Variants in GSS observed in about 807,000 individuals in gnomAD.
GSS encodes the protein GSH synthetase.
In GSS, 34 loss-of-function variants were observed where a neutral mutation model predicts 60.4. The ratio of observed to expected loss-of-function variants is 0.56; its 90% CI spans 0.43 to 0.75. The LOEUF is 0.75. GSS is among the 30% of genes least tolerant of loss of function. GSS has a pLI of 0.00. For synonymous variants in GSS, 224 were observed against 239.0 expected (o/e 0.94, Z 0.58); for missense variants, 499 against 595.1 (o/e 0.84, Z 1.68).
In GSS at chr20:34,951,831, G is replaced by A. The variant is rs1255925879; in HGVS notation, c.22C>T (p.Leu8Phe). Residue 8 changes from leucine (L) to phenylalanine (F), a missense_variant, in exon 2 of 13, where the codon CTC becomes TTC. Transcript: ENST00000651619. MATNWGS[L>F]LQDKQQLEEL... ...TCTAGCTGCTGTTTATCCTGCAAGA[G>A]GCTCCCCCAGTTGGTGGCCATCCCA... is the stretch of plus-strand genomic sequence containing the variant. The A allele has an allele frequency of 9.9e-6, 16 of 1,614,188 alleles. No homozygotes were observed. The highest frequency in any genetic ancestry group is 6.7e-5 in the Admixed American group (4 of 60,030).
At chr20:34,950,461 G>GA (rs2081560128) in intron 2 of GSS, among the ~76,000 whole-genome samples, 1 of 151,752 alleles carries the variant, frequency 6.6e-6, no homozygotes, top group Non-Finnish European at 1.5e-5. Context: ...TTAAGTTAAA[G>GA]AAAAAAAAGT....
chr20:34,950,571 G>A (rs2081560972), intron 2 of GSS, among the ~76,000 whole-genome samples: 1 of 150,892 alleles, frequency 6.6e-6, no homozygotes, highest in East Asian at 1.9e-4. Flanking sequence ...TTTGAGACCA[G>A]CCTGGACAAC....
At chr20:34,931,780 C>G (rs2081403149) in intron 10 of GSS, among the ~76,000 whole-genome samples, 159 bp downstream of exon 10, 1 of 152,198 alleles carries the variant, frequency 6.6e-6, no homozygotes, top group South Asian at 2.1e-4. Flanking sequence ...TGAGGCTGCC[C>G]TTCTGCTCAG....
Position 34,951,745 on chromosome 20 carries a change from T to C in GSS, c.108A>G (p.Ser36=), listed in dbSNP as rs2081570033. The C allele has an allele frequency of 2.5e-6, 4 of 1,611,102 alleles. No homozygotes were observed. Among genetic ancestry groups the C allele is most frequent in the Non-Finnish European group, 3.4e-6 (4 of 1,178,436 alleles). ...ALAEGVLLRT[S]QEPTSSEVVS... ...TTACCTCCGAGGAAGTGGGCTCCTG[T>C]GAGGTCCTCAGCAATACTCCCTCAG... is the stretch of plus-strand genomic sequence containing the variant. Residue 36 remains serine, a synonymous_variant, in exon 2 of 13, where the codon TCA becomes TCG. Coordinates refer to ENST00000651619, the MANE Select transcript of GSS (RefSeq NM_000178.4).
chr20:34,952,772 G>A (rs1264978389), intron 1 of GSS: 1 of 152,196 alleles, frequency 6.6e-6, no homozygotes, highest in Non-Finnish European at 1.5e-5. Flanking sequence ...TGGGATAGGA[G>A]TCACTGCAGT....
In GSS at chr20:34,942,936, C is replaced by A. The variant is rs761034720; in HGVS notation, c.346G>T (p.Ala116Ser). ...IHKQVLKEGI[A>S]QTVFLGLNRS... ...GTAGGGCTGGGAATGGTTACCTGGG[C>A]AATGCCCTCTTTTAGGACTTGCTTG... The change falls in exon 4 of 13, where the codon GCC becomes TCC. Residue 116 changes from alanine (A) to serine (S), a missense_variant. Ala to Ser is a moderately conservative substitution (Grantham distance 99). Coordinates refer to ENST00000651619, the MANE Select transcript of GSS (RefSeq NM_000178.4). The A allele has an allele frequency of 6.3e-7, 1 of 1,597,996 alleles. No individual in the cohort carries two copies. Among genetic ancestry groups the A allele is most frequent in the Admixed American group, 1.7e-5 (1 of 59,618 alleles).
chr20:34,928,922 T>G lies in GSS; in HGVS notation c.1331A>C (p.His444Pro). The change falls in exon 13 of 13, where the codon CAC becomes CCC. Residue 444 changes from histidine (H) to proline (P), a missense_variant. Physicochemically the swap from His to Pro is moderately conservative, Grantham distance 77 (BLOSUM62 -2). Coordinates refer to ENST00000651619, the MANE Select transcript of GSS (RefSeq NM_000178.4). The part of the protein sequence containing the change: ...RQEKTLVMNK[H>P]VGHLLRTKAI... ...TTTGGTTCGAAGTAGATGCCCCACGTGCTTGTTCATCACGAGTGTCTTTTC... is the reference window on the plus strand; with the variant it reads ...TTTGGTTCGAAGTAGATGCCCCACGGGCTTGTTCATCACGAGTGTCTTTTC... The G allele has an allele frequency of 3.1e-6, 5 of 1,613,698 alleles. No homozygotes were observed. The highest frequency in any genetic ancestry group is 4.2e-6 in the Non-Finnish European group (5 of 1,180,012).
intron 6 of GSS, among the ~76,000 whole-genome samples, chr20:34,939,126 G>A (rs1220659308): frequency 6.6e-6 from 1 of 152,168 alleles, no homozygotes; most frequent in African/African-American, 2.4e-5. Context: ...TGTAATCCCA[G>A]TTACTTGGGA....
intron 11 of GSS, 95 bp from the exon 12 acceptor site, chr20:34,929,685 C>T (rs2081384753): frequency 9.6e-7 from 1 of 1,043,934 alleles, no homozygotes; most frequent in African/African-American, 1.6e-5. Flanking sequence ...TCAGCAGCCT[C>T]AGTTCCTGGC....
chr20:34,930,048 A>C (rs995127562), intron 11 of GSS, among the ~76,000 whole-genome samples: 4 of 152,112 alleles, frequency 2.6e-5, no homozygotes, highest in Admixed American at 6.5e-5. Flanking sequence ...CAGGCAGATC[A>C]TGAGGTCAAG....
At chr20:34,931,885 T>C (rs2081403966) in intron 10 of GSS, 54 bp downstream of exon 10, 1 of 1,503,016 alleles carries the variant, frequency 6.7e-7, no homozygotes, top group South Asian at 1.1e-5. Context: ...CATTGGGCTG[T>C]AGGTCTCTGC....
chr20:34,935,722 CA>C (rs1206801216), intron 8 of GSS, 80 bp from the exon 9 acceptor site: 2 of 1,168,944 alleles, frequency 1.7e-6, no homozygotes, highest in Non-Finnish European at 2.6e-6. Flanking sequence ...CAGGGTGCAT[CA>C]AGATGAATTT....
intron 6 of GSS, among the ~76,000 whole-genome samples, chr20:34,938,314 G>A (rs1051239318): frequency 6.6e-6 from 1 of 152,094 alleles, no homozygotes; most frequent in African/African-American, 2.4e-5. Flanking sequence ...CCTGACCTTG[G>A]CTGAACCTCT....
chr20:34,948,024 T>C (rs1342635294), intron 2 of GSS, among the ~76,000 whole-genome samples: 1 of 150,176 alleles, frequency 6.7e-6, no homozygotes, highest in Non-Finnish European at 1.5e-5. Context: ...ATAGGTGCCA[T>C]CATAGTGCAC....
intron 2 of GSS, among the ~76,000 whole-genome samples, chr20:34,950,352 A>T (rs1293874865): frequency 6.6e-6 from 1 of 152,164 alleles, no homozygotes; most frequent in Admixed American, 6.6e-5. Flanking sequence ...AGGCCTGTGT[A>T]GGTTCTGGGC....
intron 2 of GSS, chr20:34,951,445 A>C (rs1600392615): frequency 2.3e-6 from 1 of 426,656 alleles, no homozygotes; most frequent in East Asian, 4.5e-5. Context: ...TTACCAAACC[A>C]GTGAGGTAGG....
At chr20:34,954,017 T>TGTACTCG (rs1159007556) in intron 1 of GSS, among the ~76,000 whole-genome samples, 1 of 152,192 alleles carries the variant, frequency 6.6e-6, no homozygotes, top group African/African-American at 2.4e-5. Flanking sequence ...GGCTGTACTC[T>TGTACTCG]CTTTATAGGT....
At chr20:34,955,870 C>G (rs1351367363), upstream of GSS, 3 of 152,390 alleles carry the variant, frequency 2.0e-5, no homozygotes, top group African/African-American at 4.8e-5. Flanking sequence ...AGACCCATAC[C>G]TTTGGCGCTG....
intron 5 of GSS, among the ~76,000 whole-genome samples, chr20:34,942,148 T>C (rs753890914): frequency 1.3e-5 from 2 of 152,066 alleles, no homozygotes; most frequent in Admixed American, 1.3e-4. Context: ...TCTAAAATCA[T>C]TGCAACCTGG....
Sources: allele counts gnomAD v4.1 joint callset (sites outside exome capture counted in the v4.1 genomes callset), GRCh38; gene constraint gnomAD v4.1.1; transcripts MANE v1.5; gene names NCBI Gene and HGNC (gene_info 2026-07-23, HGNC 2026-07-21).